Variants in TAS2R10 observed in about 807,000 individuals in gnomAD.
TAS2R10 encodes taste receptor type 2 member 10.
For synonymous variants in TAS2R10, 144 were observed against 126.6 expected, an observed-to-expected ratio of 1.14 and a Z score of -0.92; for missense variants, 385 against 362.0, an observed-to-expected ratio of 1.06 and a Z score of -0.52.
exon 1 of TAS2R10, chr12:10,825,512 C>T (rs372504762): frequency 2.0e-5 from 32 of 1,613,502 alleles, no homozygotes; most frequent in South Asian, 8.8e-5. Flanking sequence ...TTTGTTTTCT[C>T]GCACAGTAAA....
chr12:10,826,051 A>G lies in TAS2R10; in HGVS notation c.219T>C (p.Asn73=), dbSNP rs767245812. The change falls in exon 1 of 1, where the codon AAT becomes AAC. Residue 73 remains asparagine, a synonymous_variant. Transcript: ENST00000240619. The stretch of plus-strand genomic sequence containing the variant: ...CAATTAGGTTACCGGAGGCATATAT[A>G]TTTGGAGAGAATATCTGTATAAATC... The G allele has an allele frequency of 6.8e-6, 11 of 1,613,096 alleles. No individual in the cohort carries two copies. In the African/African-American group the frequency reaches 1.3e-4, roughly 20 times the overall value.
chr12:10,825,406 A>G (rs780339095), exon 1 of TAS2R10: 20 of 1,613,394 alleles, frequency 1.2e-5, no homozygotes, highest in Non-Finnish European at 1.6e-5. Flanking sequence ...GTACCCTCAA[A>G]GAGGCTTGCT....
At chr12:10,825,620 G>A in exon 1 of TAS2R10, 1 of 1,613,740 alleles carries the variant, frequency 6.2e-7, no homozygotes, top group Non-Finnish European at 8.5e-7. Context: ...TTCTGTGTTG[G>A]AGTCTCTCAA....
rs762967320 is a variant in TAS2R10, at chr12:10,826,164, C to T, written c.106G>A (p.Ala36Thr). The change falls in exon 1 of 1, where the codon GCC (alanine) becomes ACC (threonine). Residue 36 changes from alanine to threonine, a missense_variant. Ala to Thr is a moderately conservative substitution (Grantham distance 58, BLOSUM62 0). Coordinates refer to ENST00000240619, the Ensembl canonical transcript of TAS2R10. ...CCAATCGTAGATAACTTATTCTTGG[C>T]ACAGTCAATGCAGTTTACAAGTCCA... The T allele has an allele frequency of 5.0e-6, 8 of 1,613,456 alleles. No individual in the cohort carries two copies. In the East Asian group the frequency reaches 1.6e-4, roughly 31 times the overall value.
At chr12:10,825,361 A>AT in the TAS2R10 span, 1 of 1,608,828 alleles carries the variant, frequency 6.2e-7, no homozygotes, top group Admixed American at 1.7e-5. Flanking sequence ...TGACTCTGAG[A>AT]TTTTTCCTTT....
chr12:10,825,776 T>A, exon 1 of TAS2R10: 2 of 1,613,442 alleles, frequency 1.2e-6, no homozygotes, highest in Non-Finnish European at 1.7e-6. Context: ...TTTATACATG[T>A]TGAGATCCCA....
the TAS2R10 span, chr12:10,826,093 C>T: frequency 1.2e-6 from 2 of 1,613,164 alleles, no homozygotes; most frequent in East Asian, 4.5e-5. Flanking sequence ...TAATTATTAT[C>T]CATATCAGAA....
chr12:10,826,322 G>A (rs61912242), exon 1 of TAS2R10: 11 of 1,293,978 alleles, frequency 8.5e-6, no homozygotes, highest in South Asian at 2.8e-5. Flanking sequence ...ATTACCTGCT[G>A]CAGAATGAGG....
chr12:10,826,083 T>A, exon 1 of TAS2R10: 2 of 1,613,174 alleles, frequency 1.2e-6, no homozygotes, highest in Non-Finnish European at 1.7e-6. Context: ...AATCCATCTG[T>A]AATTATTATC....
chr12:10,825,570 T>A (rs892309690), exon 1 of TAS2R10: 2 of 1,613,704 alleles, frequency 1.2e-6, no homozygotes, highest in South Asian at 1.1e-5. Context: ...ATAAAGAGGA[T>A]GATGAAAGAT....
At chr12:10,825,528 A>T in exon 1 of TAS2R10, 1 of 1,613,756 alleles carries the variant, frequency 6.2e-7, no homozygotes, top group Non-Finnish European at 8.5e-7. Context: ...GTAAAACATG[A>T]TATTTCTATG....
downstream of TAS2R10, chr12:10,825,260 T>C (rs1948855288): frequency 2.0e-6 from 2 of 1,018,638 alleles, no homozygotes; most frequent in South Asian, 1.7e-5. Flanking sequence ...AAAAAGACAA[T>C]GCAAGAATGC....
exon 1 of TAS2R10, chr12:10,825,451 G>A (rs1261931575): frequency 1.2e-6 from 2 of 1,613,672 alleles, no homozygotes; most frequent in South Asian, 1.1e-5. Context: ...AGATAAATGA[G>A]TGACCCCAGG....
exon 1 of TAS2R10, chr12:10,825,827 G>A (rs184682737): frequency 5.4e-5 from 87 of 1,612,260 alleles, no homozygotes; most frequent in African/African-American, 1.3e-4. Flanking sequence ...AAGAATCTTC[G>A]CAATGTATGC....
exon 1 of TAS2R10, chr12:10,826,331 G>T: frequency 8.5e-7 from 1 of 1,182,246 alleles, no homozygotes; most frequent in Non-Finnish European, 1.2e-6. Context: ...TGCAGAATGA[G>T]GCATATATTG....
At chr12:10,825,256 A>C, downstream of TAS2R10, 1 of 988,326 alleles carries the variant, frequency 1.0e-6, no homozygotes, top group Non-Finnish European at 1.5e-6. Context: ...AGTTAAAAAG[A>C]CAATGCAAGA....
chr12:10,825,866 A>G (rs151086569), exon 1 of TAS2R10: 2 of 1,612,956 alleles, frequency 1.2e-6, no homozygotes, highest in African/African-American at 2.7e-5. Context: ...AATAAGTAAG[A>G]ATACTATCAT....
the TAS2R10 span, chr12:10,825,927 TG>T: frequency 6.2e-7 from 1 of 1,613,628 alleles, no homozygotes; most frequent in Non-Finnish European, 8.5e-7. Flanking sequence ...AATATGTAGT[TG>T]GAAAAATTTG....
At position 10,826,311 on chromosome 12, in the gene TAS2R10, G is replaced by C; in HGVS notation, c.-42C>G. On this transcript the variant is annotated 5_prime_UTR_variant, in exon 1 of 1. The change creates a new upstream start codon in the 5' untranslated region. Coordinates refer to ENST00000240619, the Ensembl canonical transcript of TAS2R10. Reference sequence around the variant, plus strand: ...TATTGCTTCTGTTACATCTATCTTAGATTACCTGCTGCAGAATGAGGCATA... The same window carrying C: ...TATTGCTTCTGTTACATCTATCTTACATTACCTGCTGCAGAATGAGGCATA... 1 of 1,404,802 alleles carries C rather than the reference G, an allele frequency of 7.1e-7. No individual in the cohort carries two copies. Among genetic ancestry groups the C allele is most frequent in the Middle Eastern group, 1.8e-4 (1 of 5,480 alleles). The allele number at this position is 1,404,802 out of a possible 1,614,324, so 87.0% of individuals were successfully genotyped here.
Sources: gnomAD v4.1 joint callset for allele counts on GRCh38, gnomAD v4.1.1 for gene constraint, MANE v1.5 for transcripts, NCBI Gene and HGNC (gene_info 2026-07-23, HGNC 2026-07-21) for gene names.